B3GALT1: variants seen among roughly 807,000 people sequenced by gnomAD.
B3GALT1 encodes UDP-Gal:betaGlcNAc beta 1,3-galactosyltransferase, polypeptide 1.
B3GALT1 carries 10 observed loss-of-function variants against 23.2 expected under a neutral mutation model. The observed-to-expected ratio is 0.43, with a 90% confidence interval of 0.27 to 0.73. B3GALT1 has a LOEUF of 0.73. Ranked by LOEUF, B3GALT1 falls within the 30% of genes least tolerant of loss-of-function variation. B3GALT1 has a pLI of 0.21. For missense variants in B3GALT1, 299 were observed against 405.4 expected (o/e 0.74, Z 2.25); for synonymous variants, 156 against 141.5 (o/e 1.10, Z -0.73).
chr2:167,727,843 G>C lies in B3GALT1; in HGVS notation c.-352+80877G>C, dbSNP rs79662373. On this transcript the variant is annotated intron_variant, in intron 3 of 4. Transcript: ENST00000392690. Reference sequence around the variant, plus strand: ...TTTTTATTTGGCTAGATTCAGTTTCGTTTTCTGCTTAATTGTATTACAAAT... The same window carrying C: ...TTTTTATTTGGCTAGATTCAGTTTCCTTTTCTGCTTAATTGTATTACAAAT... 2.5e-3 allele frequency among the ~76,000 whole-genome samples: 380 copies of C among 152,202 alleles called. 4 individuals are homozygous for C. The highest frequency in any genetic ancestry group is 4.2e-3 in the Non-Finnish European group (289 of 68,010).
chr2:167,489,126 A>G (rs541726688), intron 1 of B3GALT1, among the ~76,000 whole-genome samples: 240 of 152,284 alleles, frequency 1.6e-3, no homozygotes, highest in Non-Finnish European at 9.4e-4. Context: ...TCATTGTACT[A>G]TGAACTTCCA....
intron 1 of B3GALT1, among the ~76,000 whole-genome samples, chr2:167,365,302 A>C (rs954693159): frequency 6.6e-6 from 1 of 152,138 alleles, no homozygotes; most frequent in Non-Finnish European, 1.5e-5. Context: ...CTGCCCTTTC[A>C]GTTTGGAGCA....
chr2:167,850,484 GGAGGTTCCTT>G (rs1302310050), intron 4 of B3GALT1, among the ~76,000 whole-genome samples: 1 of 152,188 alleles, frequency 6.6e-6, no homozygotes, highest in Non-Finnish European at 1.5e-5. Context: ...AAAACAGAGT[GGAGGTTCCTT>G]GAAGAACTAA....
chr2:167,824,775 C>CAGAG (rs1689179799), intron 4 of B3GALT1, among the ~76,000 whole-genome samples: 1 of 152,174 alleles, frequency 6.6e-6, no homozygotes, highest in Non-Finnish European at 1.5e-5. Flanking sequence ...CTTTCCGATA[C>CAGAG]AGAGAGGTAC....
chr2:167,415,882 G>C (rs970513745), intron 1 of B3GALT1, among the ~76,000 whole-genome samples: 1 of 152,040 alleles, frequency 6.6e-6, no homozygotes, highest in Non-Finnish European at 1.5e-5. Flanking sequence ...ATATCTGATG[G>C]AACAAATACC....
At chr2:167,629,320 C>G (rs1237948051) in intron 2 of B3GALT1, among the ~76,000 whole-genome samples, 2 of 151,632 alleles carry the variant, frequency 1.3e-5, no homozygotes, top group Non-Finnish European at 3.0e-5. Context: ...CATATTTGGC[C>G]TGAAGTTATT....
chr2:167,397,034 T>G (rs1698110326), intron 1 of B3GALT1, among the ~76,000 whole-genome samples: 1 of 152,100 alleles, frequency 6.6e-6, no homozygotes, highest in African/African-American at 2.4e-5. Context: ...TCAAGCAGAA[T>G]CTGCCAAGTC....
chr2:167,721,038 TCCC>T (rs1247850047), intron 3 of B3GALT1, among the ~76,000 whole-genome samples: 1 of 152,032 alleles, frequency 6.6e-6, no homozygotes, highest in Non-Finnish European at 1.5e-5. Context: ...TCTCCCTCTC[TCCC>T]CCATCTCTCT....
At chr2:167,376,197 A>G (rs1289088430) in intron 1 of B3GALT1, among the ~76,000 whole-genome samples, 1 of 152,172 alleles carries the variant, frequency 6.6e-6, no homozygotes, top group Non-Finnish European at 1.5e-5. Context: ...AATGAAATCT[A>G]CTTGATCATT....
intron 1 of B3GALT1, among the ~76,000 whole-genome samples, chr2:167,387,797 C>T (rs1047551907): frequency 2.6e-5 from 4 of 152,140 alleles, no homozygotes. Flanking sequence ...TAGTGTTAAT[C>T]TCTACTGCCA....
intron 3 of B3GALT1, among the ~76,000 whole-genome samples, chr2:167,734,555 C>T (rs948440044): frequency 1.3e-5 from 2 of 152,198 alleles, no homozygotes; most frequent in Admixed American, 1.3e-4. Flanking sequence ...AAATCAATGC[C>T]ATGATCCGTT....
chr2:167,467,956 C>T (rs1699372131), intron 1 of B3GALT1, among the ~76,000 whole-genome samples: 1 of 151,874 alleles, frequency 6.6e-6, no homozygotes, highest in South Asian at 2.1e-4. Context: ...AATAAGCAAC[C>T]AAAAATATAC....
chr2:167,557,871 T>C (rs970216923), intron 2 of B3GALT1, among the ~76,000 whole-genome samples: 1 of 152,210 alleles, frequency 6.6e-6, no homozygotes, highest in Non-Finnish European at 1.5e-5. Context: ...GCATCACTTA[T>C]ATAGTAGTTT....
rs114850495 is a variant in B3GALT1 at position 167,691,109 on chromosome 2, C to T, written c.-352+44143C>T. Among the ~76,000 whole-genome samples the T allele has an allele frequency of 7.7e-3, 1,174 of 152,186 alleles. 19 individuals carry two copies. The highest frequency in any genetic ancestry group is 0.027 in the African/African-American group (1,108 of 41,544). ...AAATTCAATGATAAGTAATTTTCCA[C>T]TCTAGTATATTTTTAAGCAATTACA... On this transcript the variant is annotated intron_variant, in intron 3 of 4. Coordinates refer to ENST00000392690, the MANE Select transcript of B3GALT1 (RefSeq NM_020981.4).
intron 1 of B3GALT1, among the ~76,000 whole-genome samples, chr2:167,410,128 G>C (rs897421604): frequency 6.6e-6 from 1 of 152,078 alleles, no homozygotes; most frequent in East Asian, 1.9e-4. Flanking sequence ...CCTTTGCAGG[G>C]ACATGGATGA....
chr2:167,771,806 T>G (rs577227083), intron 3 of B3GALT1, among the ~76,000 whole-genome samples: 1 of 152,086 alleles, frequency 6.6e-6, no homozygotes, highest in African/African-American at 2.4e-5. Flanking sequence ...AGGGGCCAGG[T>G]TGGGATGGGG....
chr2:167,600,853 T>C (rs1316629349), intron 2 of B3GALT1, among the ~76,000 whole-genome samples: 1 of 151,936 alleles, frequency 6.6e-6, no homozygotes, highest in East Asian at 1.9e-4. Flanking sequence ...TGATGAATAA[T>C]GTTTTATCAA....
intron 1 of B3GALT1, among the ~76,000 whole-genome samples, chr2:167,488,664 A>G (rs1303948816): frequency 1.3e-5 from 2 of 152,308 alleles, no homozygotes; most frequent in African/African-American, 2.4e-5. Context: ...GAATTTTGTC[A>G]AGTATATACA....
At chr2:167,713,610 A>T in intron 3 of B3GALT1, 3 of 1,053,160 alleles carry the variant, frequency 2.8e-6, no homozygotes, top group Non-Finnish European at 4.2e-6. Flanking sequence ...CTTAAACTGA[A>T]AATGAGATCA....
Sources: allele counts gnomAD v4.1 joint callset (sites outside exome capture counted in the v4.1 genomes callset), GRCh38; gene constraint gnomAD v4.1.1; transcripts MANE v1.5; gene names NCBI Gene and HGNC (gene_info 2026-07-23, HGNC 2026-07-21).